Variants in PARP8 observed in about 807,000 individuals in gnomAD.
The protein encoded by PARP8 is poly(ADP-ribose) polymerase family member 8.
A neutral mutation model predicts 124.1 loss-of-function variants in PARP8; 51 were observed. The ratio of observed to expected loss-of-function variants is 0.41; its 90% CI spans 0.33 to 0.52. The LOEUF is 0.52. Ranked by LOEUF, PARP8 falls within the 20% of genes least tolerant of loss-of-function variation. The probability of loss-of-function intolerance (pLI) is 0.21; values close to 1 mark genes in which losing one functional copy is unlikely to be tolerated. For missense variants in PARP8, 860 were observed against 1,018.9 expected, an observed-to-expected ratio of 0.84 and a Z score of 2.12; for synonymous variants, 391 against 361.5, an observed-to-expected ratio of 1.08 and a Z score of -0.93.
At chr5:50,799,852 G>A (rs745583094) in intron 14 of PARP8, among the ~76,000 whole-genome samples, 2 of 152,158 alleles carry the variant, frequency 1.3e-5, no homozygotes. Context: ...GACACAGCAA[G>A]AAGATCAATT....
intron 2 of PARP8, among the ~76,000 whole-genome samples, chr5:50,680,876 T>A (rs1391171369): frequency 6.6e-6 from 1 of 152,144 alleles, no homozygotes; most frequent in Non-Finnish European, 1.5e-5. Flanking sequence ...TGCCTGATTT[T>A]CATAAAATCG....
intron 2 of PARP8, among the ~76,000 whole-genome samples, chr5:50,671,813 T>C (rs1391235060): frequency 2.0e-5 from 3 of 152,156 alleles, no homozygotes; most frequent in Admixed American, 6.5e-5. Context: ...ATAAAGCTAA[T>C]GTTTTATTAG....
At chr5:50,695,438 T>G (rs1274264772) in intron 2 of PARP8, among the ~76,000 whole-genome samples, 2 of 152,198 alleles carry the variant, frequency 1.3e-5, no homozygotes, top group Non-Finnish European at 2.9e-5. Flanking sequence ...TGTTGGAGTC[T>G]GACCAGCTTA....
At chr5:50,732,152 A>G (rs1249664878) in intron 2 of PARP8, among the ~76,000 whole-genome samples, 2 of 152,212 alleles carry the variant, frequency 1.3e-5, no homozygotes, top group African/African-American at 4.8e-5. Context: ...ATTTTCCTGA[A>G]GAATTAGTAT....
chr5:50,832,992 C>T (rs1273147235), intron 23 of PARP8, 138 bp downstream of exon 23: 4 of 694,910 alleles, frequency 5.8e-6, no homozygotes, highest in Non-Finnish European at 2.4e-6. Flanking sequence ...AAAACTCACT[C>T]TGAAATGCAG....
chr5:50,699,642 A>G (rs1753382416), intron 2 of PARP8, among the ~76,000 whole-genome samples: 1 of 152,176 alleles, frequency 6.6e-6, no homozygotes, highest in African/African-American at 2.4e-5. Flanking sequence ...TATTATCAAT[A>G]TATTGAAACA....
chr5:50,825,036 G>A, intron 18 of PARP8, 61 bp downstream of exon 18: 2 of 1,383,620 alleles, frequency 1.4e-6, no homozygotes, highest in East Asian at 2.3e-5. Context: ...CTTGATTTAA[G>A]GAAAAAAACC....
chr5:50,739,453 CA>C (rs1178790217), intron 2 of PARP8, among the ~76,000 whole-genome samples: 1 of 151,942 alleles, frequency 6.6e-6, no homozygotes, highest in Non-Finnish European at 1.5e-5. Context: ...CTCGCTACAT[CA>C]GCTGCATTCT....
chr5:50,841,612 C>A (rs1322442767), intron 25 of PARP8, among the ~76,000 whole-genome samples: 1 of 151,806 alleles, frequency 6.6e-6, no homozygotes, highest in African/African-American at 2.4e-5. Flanking sequence ...AGTCCAGAAT[C>A]TTAGCAACAT....
chr5:50,730,159 T>C (rs1233883112), intron 2 of PARP8, among the ~76,000 whole-genome samples: 1 of 152,188 alleles, frequency 6.6e-6, no homozygotes, highest in Admixed American at 6.5e-5. Context: ...CAGTTCAGAT[T>C]TTAGGAGAAT....
At chr5:50,723,179 A>G (rs1434031095) in intron 2 of PARP8, among the ~76,000 whole-genome samples, 1 of 152,122 alleles carries the variant, frequency 6.6e-6, no homozygotes, top group East Asian at 1.9e-4. Context: ...CTTGAATGAT[A>G]AATTTTTGAT....
At chr5:50,732,240 G>A (rs1757042430) in intron 2 of PARP8, among the ~76,000 whole-genome samples, 1 of 152,154 alleles carries the variant, frequency 6.6e-6, no homozygotes, top group African/African-American at 2.4e-5. Context: ...TTAGTGAGTG[G>A]TTCTAAGAAA....
At chr5:50,681,616 G>T (rs1280443669) in intron 2 of PARP8, among the ~76,000 whole-genome samples, 2 of 152,054 alleles carry the variant, frequency 1.3e-5, no homozygotes, top group African/African-American at 4.8e-5. Flanking sequence ...TGGAGCATTT[G>T]CTCCAAAATA....
chr5:50,815,292 C>G, intron 14 of PARP8, 140 bp from the exon 15 acceptor site: 1 of 518,790 alleles, frequency 1.9e-6, no homozygotes, highest in Admixed American at 3.9e-5. Flanking sequence ...GAATTTATTT[C>G]GTATTAAAAT....
At chr5:50,777,813 T>A (rs1046058384) in intron 7 of PARP8, among the ~76,000 whole-genome samples, 2 of 152,178 alleles carry the variant, frequency 1.3e-5, no homozygotes, top group Admixed American at 1.3e-4. Flanking sequence ...TATTTAAAAC[T>A]ATGAACCAAG....
At chr5:50,809,434 C>A (rs927274626) in intron 14 of PARP8, among the ~76,000 whole-genome samples, 1 of 152,022 alleles carries the variant, frequency 6.6e-6, no homozygotes, top group Non-Finnish European at 1.5e-5. Context: ...ATATACAAAT[C>A]AAAATGCTAC....
At chr5:50,784,209 A>G (rs1456603014) in intron 9 of PARP8, among the ~76,000 whole-genome samples, 4 of 152,154 alleles carry the variant, frequency 2.6e-5, no homozygotes, top group Non-Finnish European at 4.4e-5. Flanking sequence ...TATAAATAAC[A>G]GTTATTTAAA....
chr5:50,668,319 G>GT (rs937995100), intron 2 of PARP8, 194 bp downstream of exon 2: 2 of 602,762 alleles, frequency 3.3e-6, no homozygotes, highest in African/African-American at 3.7e-5. Flanking sequence ...TGATTCAGGT[G>GT]TTTCGAGGAC....
At chr5:50,785,130 A>G (rs1306859604) in intron 9 of PARP8, among the ~76,000 whole-genome samples, 2 of 152,032 alleles carry the variant, frequency 1.3e-5, no homozygotes, top group Admixed American at 1.3e-4. Flanking sequence ...GAAATTTTAG[A>G]ATTTTGTGAA....
Sources: allele counts gnomAD v4.1 joint callset (sites outside exome capture counted in the v4.1 genomes callset), GRCh38; gene constraint gnomAD v4.1.1; transcripts MANE v1.5; gene names NCBI Gene and HGNC (gene_info 2026-07-23, HGNC 2026-07-21).